Variants in ENO4 observed in about 807,000 individuals in gnomAD.
ENO4 encodes the protein 2-phospho-D-glycerate hydro-lyase.
ENO4 carries 53 observed loss-of-function variants against 63.2 expected under a neutral mutation model. The ratio of observed to expected loss-of-function variants is 0.84; its 90% CI spans 0.67 to 1.05. The LOEUF is 1.05. Among genes scored for constraint, ENO4 ranks in the 50% least tolerant of loss-of-function variants. The pLI is 0.00. For missense variants in ENO4, 719 were observed against 772.0 expected (o/e 0.93, Z 0.81); for synonymous variants, 266 against 283.8 (o/e 0.94, Z 0.63).
intron 10 of ENO4, among the ~76,000 whole-genome samples, chr10:116,899,546 T>TGAGA (rs59129110): frequency 8.1e-6 from 1 of 123,896 alleles, no homozygotes; most frequent in African/African-American, 2.9e-5. Flanking sequence ...TGTGTGTGTG[T>TGAGA]GAGAGAGTGC....
chr10:116,875,279 A>C (rs559969734), intron 10 of ENO4, among the ~76,000 whole-genome samples: 1 of 152,212 alleles, frequency 6.6e-6, no homozygotes, highest in East Asian at 1.9e-4. Flanking sequence ...ACCAGCATAC[A>C]CAGAATGCAC....
At chr10:116,905,566 G>A (rs955024342) in intron 10 of ENO4, among the ~76,000 whole-genome samples, 1 of 152,100 alleles carries the variant, frequency 6.6e-6, no homozygotes, top group Non-Finnish European at 1.5e-5. Flanking sequence ...TTGGGTTCAA[G>A]GAATCAATTT....
At chr10:116,911,380 T>C (rs2133346655) in intron 10 of ENO4, 1 of 1,329,308 alleles carries the variant, frequency 7.5e-7, no homozygotes, top group Non-Finnish European at 1.0e-6. Flanking sequence ...TATGAAGCTA[T>C]TTGGGGAGGA....
At chr10:116,899,915 G>A (rs934554090) in intron 10 of ENO4, among the ~76,000 whole-genome samples, 1 of 152,054 alleles carries the variant, frequency 6.6e-6, no homozygotes, top group Non-Finnish European at 1.5e-5. Context: ...CAGTTTCAGG[G>A]GATTCTGACA....
At chr10:116,872,357 G>C (rs141118954) in intron 9 of ENO4, among the ~76,000 whole-genome samples, 1 of 152,000 alleles carries the variant, frequency 6.6e-6, no homozygotes, top group Non-Finnish European at 1.5e-5. Context: ...CACCCAATTC[G>C]CATCTTGAAT....
intron 10 of ENO4, among the ~76,000 whole-genome samples, chr10:116,903,695 C>A (rs964045434): frequency 6.6e-6 from 1 of 152,140 alleles, no homozygotes; most frequent in African/African-American, 2.4e-5. Context: ...CTCTATTCTG[C>A]CCTTGGGTAA....
chr10:116,854,334 C>G (rs1014828667), intron 1 of ENO4, among the ~76,000 whole-genome samples: 1 of 151,000 alleles, frequency 6.6e-6, no homozygotes, highest in African/African-American at 2.4e-5. Context: ...CTGAGGCAGG[C>G]GGATCACGAG....
At chr10:116,885,174 T>C (rs1202202314), downstream of ENO4, 3 of 152,656 alleles carry the variant, frequency 2.0e-5, no homozygotes, top group Non-Finnish European at 4.4e-5. Flanking sequence ...CTTTTGCCCT[T>C]AGGTGAAAAA....
chr10:116,902,679 C>T (rs989394750), intron 10 of ENO4, among the ~76,000 whole-genome samples: 3 of 152,188 alleles, frequency 2.0e-5, no homozygotes, highest in African/African-American at 7.2e-5. Flanking sequence ...CAGTTTTTCT[C>T]AAAGCATGAT....
chr10:116,876,026 C>A, intron 10 of ENO4, 39 bp from the exon 11 acceptor site: 1 of 1,377,204 alleles, frequency 7.3e-7, no homozygotes, highest in South Asian at 1.5e-5. Flanking sequence ...TAATTATGTT[C>A]AATGCATTAT....
At chr10:116,900,676 G>A (rs1847698819) in intron 10 of ENO4, 2 of 1,470,064 alleles carry the variant, frequency 1.4e-6, no homozygotes, top group African/African-American at 1.4e-5. Context: ...GTCAAATTAG[G>A]TGTTAAACAA....
chr10:116,869,891 T>G (rs1388528625), intron 8 of ENO4, among the ~76,000 whole-genome samples: 1 of 110,592 alleles, frequency 9.0e-6, no homozygotes, highest in Non-Finnish European at 1.8e-5. Context: ...CTTAGTTAAC[T>G]CCGTAAAATG....
chr10:116,880,151 C>G (rs921450013), intron 13 of ENO4, among the ~76,000 whole-genome samples, 165 bp downstream of exon 13: 1 of 152,206 alleles, frequency 6.6e-6, no homozygotes, highest in African/African-American at 2.4e-5. Context: ...ATATTGTTGT[C>G]TTAATGGATC....
chr10:116,862,900 T>C, intron 7 of ENO4, 48 bp downstream of exon 7: 1 of 1,198,810 alleles, frequency 8.3e-7, no homozygotes. Context: ...CTTAGACACC[T>C]TCTAGCATGC....
chr10:116,860,999 G>A (rs1846394345), intron 5 of ENO4, 36 bp downstream of exon 5: 1 of 1,526,208 alleles, frequency 6.6e-7, no homozygotes, highest in Non-Finnish European at 8.8e-7. Context: ...AAGGAGCCAT[G>A]AGTATCTCAA....
At chr10:116,908,822 T>C (rs1008966572) in intron 10 of ENO4, among the ~76,000 whole-genome samples, 4 of 152,220 alleles carry the variant, frequency 2.6e-5, no homozygotes, top group African/African-American at 7.2e-5. Context: ...TCTCTCATCA[T>C]ACCTGATTAC....
chr10:116,902,630 G>A (rs1209841106), intron 10 of ENO4, among the ~76,000 whole-genome samples: 1 of 152,172 alleles, frequency 6.6e-6, no homozygotes, highest in Non-Finnish European at 1.5e-5. Flanking sequence ...GGGCATTGAA[G>A]CCAGTCCCTA....
chr10:116,855,778 T>G, intron 2 of ENO4, 27 bp downstream of exon 2: 1 of 1,516,588 alleles, frequency 6.6e-7, no homozygotes. Context: ...GTGTGTTCTT[T>G]AATGTCCTGG....
intron 10 of ENO4, chr10:116,900,975 A>T (rs2133322691): frequency 1.0e-6 from 1 of 985,472 alleles, no homozygotes; most frequent in East Asian, 1.1e-4. Flanking sequence ...CTTTTAAGCT[A>T]AGACAGCTAG....
Sources: gnomAD v4.1 joint callset for allele counts (sites outside exome capture counted in the v4.1 genomes callset) on GRCh38, gnomAD v4.1.1 for gene constraint, MANE v1.5 for transcripts, NCBI Gene and HGNC (gene_info 2026-07-23, HGNC 2026-07-21) for gene names.